ANKRD39: variants seen among roughly 807,000 people sequenced by gnomAD.
The protein encoded by ANKRD39 is ankyrin repeat domain 39.
ANKRD39 carries 18 observed loss-of-function variants against 20.3 expected under a neutral mutation model. The observed-to-expected ratio is 0.89, with a 90% CI of 0.61 to 1.32. ANKRD39 has a LOEUF of 1.32. Among genes scored for constraint, ANKRD39 ranks in the 40% most tolerant of loss-of-function variants. The pLI, the probability that ANKRD39 is intolerant of heterozygous loss-of-function variation, is 0.00. For missense variants in ANKRD39, 243 were observed against 250.7 expected, an observed-to-expected ratio of 0.97 and a Z score of 0.21; for synonymous variants, 106 against 111.9, an observed-to-expected ratio of 0.95 and a Z score of 0.33.
intron 3 of ANKRD39, among the ~76,000 whole-genome samples, chr2:96,852,463 C>A (rs1395672368): frequency 1.2e-5 from 1 of 80,986 alleles, no homozygotes. Context: ...GACCAGGGGA[C>A]AAGAGCTCAG....
chr2:96,857,023 G>A (rs541216502), intron 1 of ANKRD39, among the ~76,000 whole-genome samples: 1 of 152,184 alleles, frequency 6.6e-6, no homozygotes, highest in African/African-American at 2.4e-5. Flanking sequence ...AACAGGGAAT[G>A]ATGTGATTTC....
intron 1 of ANKRD39, among the ~76,000 whole-genome samples, chr2:96,856,979 G>A (rs2079868557): frequency 6.6e-6 from 1 of 152,148 alleles, no homozygotes. Flanking sequence ...AAGTAGAACC[G>A]GCAGGGGTGG....
intron 1 of ANKRD39, among the ~76,000 whole-genome samples, chr2:96,856,585 T>C (rs937791749): frequency 3.9e-5 from 6 of 152,204 alleles, no homozygotes; most frequent in Non-Finnish European, 8.8e-5. Context: ...CGGATGATTA[T>C]TGTAGCGAGC....
chr2:96,856,740 G>A (rs1000684838), intron 1 of ANKRD39, among the ~76,000 whole-genome samples: 2 of 152,176 alleles, frequency 1.3e-5, no homozygotes, highest in Non-Finnish European at 2.9e-5. Flanking sequence ...TTGAGAACTG[G>A]GGTGTTTAGG....
rs777066174 is a variant in ANKRD39 at position 96,848,288 on chromosome 2, A to G, written c.*13T>C. On this transcript the variant is annotated 3_prime_UTR_variant, in exon 4 of 4. Transcript: ENST00000393537. ...GTGTACCCTTTAAAGGCAGCTGGAG[A>G]TAGGGTGGCGGCTCAGCTGGATAGC... The G allele has an allele frequency of 3.1e-6, 5 of 1,613,500 alleles. No individual in the cohort carries two copies. The South Asian group carries it at 5.5e-5, about 18-fold the overall frequency.
chr2:96,857,214 T>G (rs1298288316), intron 1 of ANKRD39, among the ~76,000 whole-genome samples: 3 of 152,100 alleles, frequency 2.0e-5, no homozygotes, highest in African/African-American at 7.2e-5. Flanking sequence ...TCCATGAGAA[T>G]GCTTACACAG....
chr2:96,850,913 C>A (rs748534439), intron 3 of ANKRD39, among the ~76,000 whole-genome samples: 3 of 152,180 alleles, frequency 2.0e-5, no homozygotes, highest in Non-Finnish European at 2.9e-5. Context: ...GCAATGATTT[C>A]TTTAAAAACC....
rs559239513 is a variant in ANKRD39, at chr2:96,852,814, T to C, written c.408+587A>G. On this transcript the variant is annotated intron_variant, in intron 3 of 3. Coordinates refer to ENST00000393537, the MANE Select transcript of ANKRD39 (RefSeq NM_016466.6). ...CGAGCAGGGTAGCTCACACCCGTAA[T>C]CTCAGCACTTAGGGAGGCAGAGGCA... Among the ~76,000 whole-genome samples, 3 of 152,234 alleles carry C rather than the reference T, an allele frequency of 2.0e-5. No individual in the cohort carries two copies. The South Asian group carries it at 6.2e-4, about 32-fold the overall frequency.
intron 3 of ANKRD39, among the ~76,000 whole-genome samples, chr2:96,849,983 T>C (rs2079828949): frequency 6.6e-6 from 1 of 152,248 alleles, no homozygotes; most frequent in Non-Finnish European, 1.5e-5. Flanking sequence ...AGAATCATCA[T>C]TATTCCCATT....
chr2:96,855,157 A>C (rs2079856630), intron 1 of ANKRD39, among the ~76,000 whole-genome samples: 1 of 152,238 alleles, frequency 6.6e-6, no homozygotes, highest in South Asian at 2.1e-4. Flanking sequence ...GGGAACACGC[A>C]TGCCTCCAAA....
rs986560328 is a variant in ANKRD39, at chr2:96,858,003, A to G, written c.-16T>C. On this transcript the variant is annotated 5_prime_UTR_variant, in exon 1 of 4. Transcript: ENST00000393537. The stretch of plus-strand genomic sequence containing the variant: ...GCGTCGCCATCCCGGCCCCGGCGTC[A>G]GTCGATCCGCCCCGGGTCTCAGGCT... The G allele has an allele frequency of 2.0e-6, 3 of 1,518,698 alleles. No individual in the cohort carries two copies. The highest frequency in any genetic ancestry group is 2.6e-6 in the Non-Finnish European group (3 of 1,139,442). The allele number at this position is 1,518,698 out of a possible 1,614,324, so 94.1% of individuals were successfully genotyped here. A position where few individuals can be genotyped will look rare whatever the true frequency, so the allele number is the denominator to read the frequency against.
At position 96,848,411 on chromosome 2, in the gene ANKRD39, G is replaced by A; in HGVS notation, c.442C>T (p.Leu148Phe). The change falls in exon 4 of 4, where the codon CTC becomes TTC. Residue 148 changes from leucine (L) to phenylalanine (F), a missense_variant. By Grantham distance (22) the Leu-to-Phe change is conservative. Coordinates refer to ENST00000393537, the MANE Select transcript of ANKRD39 (RefSeq NM_016466.6). ...AERGHGDICS[L>F]LLQHSPALKA... ...AGGGCTGGGCTGTGTTGCAGGAGGA[G>A]GGAGCAGATGTCCCCGTGACCCCTC... is the stretch of plus-strand genomic sequence containing the variant. 2 of 1,614,172 alleles carry A rather than the reference G, an allele frequency of 1.2e-6. No individual in the cohort carries two copies. The highest frequency in any genetic ancestry group is 1.7e-6 in the Non-Finnish European group (2 of 1,180,036).
Position 96,852,144 on chromosome 2 carries a change from G to A in ANKRD39, c.408+1257C>T, listed in dbSNP as rs534229129. On this transcript the variant is annotated intron_variant, in intron 3 of 3. Coordinates refer to ENST00000393537, the MANE Select transcript of ANKRD39 (RefSeq NM_016466.6). ...GAGCATTGCTTGAGCCCAGGAGGTC[G>A]AGGCTACAAGTGAGCTGTGATTGTG... Among the ~76,000 whole-genome samples the A allele has an allele frequency of 1.6e-3, 247 of 152,126 alleles. 2 individuals carry two copies. Among genetic ancestry groups the A allele is most frequent in the Non-Finnish European group, 2.8e-3 (192 of 68,004 alleles).
intron 3 of ANKRD39, among the ~76,000 whole-genome samples, chr2:96,851,723 A>G (rs1002715540): frequency 2.6e-5 from 4 of 152,182 alleles, no homozygotes; most frequent in Admixed American, 2.6e-4. Context: ...GCATACATCC[A>G]GGTGAGCTCA....
rs115120038 is a variant in ANKRD39, at chr2:96,848,484, C to G, written c.409-40G>C. ...GCTGGAATCAAAGGGCATACCCCCC[C>G]ACTGGGCTCTGCTCTCTCTTGTTCC... On this transcript the variant is annotated intron_variant, in intron 3 of 3. Transcript: ENST00000393537. The G allele has an allele frequency of 8.7e-6, 14 of 1,610,650 alleles. No homozygotes were observed. The East Asian group carries it at 1.6e-4, about 18-fold the overall frequency.
At chr2:96,849,962 C>T (rs1211257625) in intron 3 of ANKRD39, among the ~76,000 whole-genome samples, 1 of 152,132 alleles carries the variant, frequency 6.6e-6, no homozygotes, top group Non-Finnish European at 1.5e-5. Flanking sequence ...TCAAAATAGC[C>T]CTCACAGGCA....
At position 96,858,006 on chromosome 2, in the gene ANKRD39, C is replaced by A. The variant is rs1277665017; in HGVS notation, c.-19G>T. 6.6e-7 allele frequency: 1 copy of A among 1,515,522 alleles called. No individual in the cohort carries two copies. Among genetic ancestry groups the A allele is most frequent in the South Asian group, 1.2e-5 (1 of 81,722 alleles). The allele number at this position is 1,515,522 out of a possible 1,614,324, so 93.9% of individuals were successfully genotyped here. ...TCGCCATCCCGGCCCCGGCGTCAGT[C>A]GATCCGCCCCGGGTCTCAGGCTCAG... On this transcript the variant is annotated 5_prime_UTR_variant, in exon 1 of 4. Coordinates refer to ENST00000393537, the MANE Select transcript of ANKRD39 (RefSeq NM_016466.6).
intron 2 of ANKRD39, 63 bp from the exon 3 acceptor site, chr2:96,853,667 A>C (rs973141394): frequency 3.9e-6 from 6 of 1,522,038 alleles, no homozygotes; most frequent in Non-Finnish European, 4.5e-6. Flanking sequence ...GGTGGTATAG[A>C]GGTGAGAGCA....
At position 96,848,454 on chromosome 2, in the gene ANKRD39, G is replaced by A. The variant is rs528356666; in HGVS notation, c.409-10C>T. ...GACCCCTCTCAGCAGCCTGTGGAGA[G>A]AAAGGCTGGAATCAAAGGGCATACC... On this transcript the variant is annotated splice_polypyrimidine_tract_variant and intron_variant, in intron 3 of 3. Transcript: ENST00000393537. 6 of 1,613,710 alleles carry A rather than the reference G, an allele frequency of 3.7e-6. No individual in the cohort carries two copies. The East Asian group carries it at 8.9e-5, about 24-fold the overall frequency.
Sources: gnomAD v4.1 joint callset for allele counts (sites outside exome capture counted in the v4.1 genomes callset) on GRCh38, gnomAD v4.1.1 for gene constraint, MANE v1.5 for transcripts, NCBI Gene and HGNC (gene_info 2026-07-23, HGNC 2026-07-21) for gene names.